Variants in FBXW4 observed in about 807,000 individuals in gnomAD.
FBXW4 encodes the protein F-box and WD repeat domain containing 4.
Under a neutral mutation model 61.8 loss-of-function variants are expected in FBXW4, and 40 were observed. That is an observed-to-expected ratio of 0.65 (90% CI 0.50 to 0.84). FBXW4 has a LOEUF of 0.84. Ranked by LOEUF, FBXW4 falls within the 40% of genes least tolerant of loss-of-function variation. The pLI is 0.00. For missense variants in FBXW4, 672 were observed against 753.8 expected, an observed-to-expected ratio of 0.89 and a Z score of 1.27; for synonymous variants, 311 against 313.8, an observed-to-expected ratio of 0.99 and a Z score of 0.10.
chr10:101,685,928 G>T (rs2064529117), intron 1 of FBXW4, among the ~76,000 whole-genome samples: 1 of 152,186 alleles, frequency 6.6e-6, no homozygotes, highest in South Asian at 2.1e-4. Context: ...TCCTTAAAAT[G>T]TGTAACATAC....
At chr10:101,660,590 C>T (rs1198392098) in intron 5 of FBXW4, among the ~76,000 whole-genome samples, 1 of 152,196 alleles carries the variant, frequency 6.6e-6, no homozygotes, top group Non-Finnish European at 1.5e-5. Flanking sequence ...CTCCATGCTT[C>T]CACTTTGGGA....
intron 5 of FBXW4, among the ~76,000 whole-genome samples, chr10:101,644,413 G>C (rs1294232976): frequency 6.6e-6 from 1 of 152,128 alleles, no homozygotes; most frequent in African/African-American, 2.4e-5. Context: ...TAGCTTTCTG[G>C]GAAGTGGAGA....
At chr10:101,672,766 C>G in intron 4 of FBXW4, 149 bp downstream of exon 4, 2 of 857,924 alleles carry the variant, frequency 2.3e-6, no homozygotes, top group South Asian at 5.1e-5. Context: ...AAGCTGCATG[C>G]CAGAGGCACA....
At chr10:101,615,950 C>T (rs2063824089) in intron 6 of FBXW4, among the ~76,000 whole-genome samples, 1 of 152,182 alleles carries the variant, frequency 6.6e-6, no homozygotes, top group Non-Finnish European at 1.5e-5. Context: ...TCACCACCTC[C>T]TCCACCTCCC....
At chr10:101,644,310 G>T (rs2064078551) in intron 5 of FBXW4, among the ~76,000 whole-genome samples, 1 of 152,196 alleles carries the variant, frequency 6.6e-6, no homozygotes, top group African/African-American at 2.4e-5. Context: ...AGCTGGGACT[G>T]GGGCCTGGGC....
intron 5 of FBXW4, chr10:101,625,343 G>A (rs1355201903): frequency 1.3e-5 from 2 of 158,764 alleles, no homozygotes; most frequent in African/African-American, 4.8e-5. Context: ...ATGAGAAAAG[G>A]AAAAAATATG....
In FBXW4 at chr10:101,694,441, A is replaced by G. The variant is rs747039293; in HGVS notation, c.665T>C (p.Leu222Pro). The G allele has an allele frequency of 7.8e-6, 12 of 1,534,512 alleles. No individual in the cohort carries two copies. The highest frequency in any genetic ancestry group is 1.7e-6 in the Non-Finnish European group (2 of 1,152,978). The change falls in exon 1 of 9, where the codon CTC (leucine) becomes CCC (proline). Residue 222 changes from leucine to proline, a missense_variant. Coordinates refer to ENST00000331272, the MANE Select transcript of FBXW4 (RefSeq NM_022039.4). The surrounding 1 kb of genome is among the most constrained non-coding windows in gnomAD (Gnocchi z 6.0). ...CGAGGCCCGGGCTATCCGGCGCCAG[A>G]GCAGATCGCAGCTGGTGAAGCGCCG... The part of the protein sequence containing the change: ...WLRRFTSCDL[L>P]WRRIARASLN...
At position 101,694,487 on chromosome 10, in the gene FBXW4, C is replaced by G; in HGVS notation, c.619G>C (p.Ala207Pro). The G allele has an allele frequency of 6.5e-7, 1 of 1,527,332 alleles. No homozygotes were observed. The highest frequency in any genetic ancestry group is 8.7e-7 in the Non-Finnish European group (1 of 1,148,104). The allele number at this position is 1,527,332 out of a possible 1,614,324, so 94.6% of individuals were successfully genotyped here. The change falls in exon 1 of 9, where the codon GCC becomes CCC. Residue 207 changes from alanine (A) to proline (P), a missense_variant. This residue lies in a region of FBXW4 where 311 missense variants were observed against 301.1 expected (regional missense o/e 1.03). Transcript: ENST00000331272. This position sits in a 1 kb window ranked among gnomAD's most constrained non-coding sequence, Gnocchi z 6.0. ...CGCCGCAGCCAGCGGCACACCTGGGCCAGGCGGCCGAGGGCCCGCATGTCC... is the reference window on the plus strand; with the variant it reads ...CGCCGCAGCCAGCGGCACACCTGGGGCAGGCGGCCGAGGGCCCGCATGTCC... Reference protein sequence around the residue: ...YLDMRALGRLAQVCRWLRRFT... With the variant: ...YLDMRALGRLPQVCRWLRRFT...
intron 5 of FBXW4, among the ~76,000 whole-genome samples, chr10:101,634,081 C>T (rs2063981288): frequency 6.6e-6 from 1 of 151,814 alleles, no homozygotes; most frequent in South Asian, 2.1e-4. Context: ...CCACTGCACT[C>T]CAGCCTGGGT....
intron 5 of FBXW4, among the ~76,000 whole-genome samples, chr10:101,660,726 T>C (rs1340255464): frequency 1.3e-5 from 2 of 152,174 alleles, no homozygotes; most frequent in African/African-American, 4.8e-5. Flanking sequence ...CCCTTCCTGA[T>C]GAGCAGAGTG....
At chr10:101,622,915 T>C (rs1023448447) in intron 6 of FBXW4, 3 of 152,130 alleles carry the variant, frequency 2.0e-5, no homozygotes, top group Non-Finnish European at 4.4e-5. Context: ...AAGACTGGCA[T>C]GGCTCTTATG....
At chr10:101,614,270 TAGA>T (rs1279035800) in intron 6 of FBXW4, among the ~76,000 whole-genome samples, 2 of 152,154 alleles carry the variant, frequency 1.3e-5, no homozygotes, top group East Asian at 3.9e-4. Context: ...TTGTTTGAAA[TAGA>T]AGATGAAAGG....
At chr10:101,633,684 A>G (rs1394537502) in intron 5 of FBXW4, among the ~76,000 whole-genome samples, 1 of 151,876 alleles carries the variant, frequency 6.6e-6, no homozygotes, top group African/African-American at 2.4e-5. Context: ...ATATACCAGC[A>G]ATAACCAAGT....
Position 101,631,917 on chromosome 10 carries a change from G to A in FBXW4, c.1236-7107C>T, listed in dbSNP as rs538616397. Among the ~76,000 whole-genome samples the A allele has an allele frequency of 1.6e-4, 24 of 152,204 alleles. No individual in the cohort carries two copies. In the East Asian group the frequency reaches 4.0e-3, roughly 26 times the overall value. On this transcript the variant is annotated intron_variant, in intron 5 of 8. Transcript: ENST00000331272. ...GCTGGGATTATAGGCGTGAGCCACC[G>A]TGCCCAGCCATTATTTACATTTTAT...
intron 5 of FBXW4, among the ~76,000 whole-genome samples, chr10:101,661,307 G>A (rs2064241878): frequency 6.6e-6 from 1 of 152,228 alleles, no homozygotes; most frequent in South Asian, 2.1e-4. Context: ...CTCAGCACAT[G>A]AGCCTCCCTG....
chr10:101,673,272 A>T (rs2064375399), intron 3 of FBXW4, among the ~76,000 whole-genome samples: 1 of 152,210 alleles, frequency 6.6e-6, no homozygotes, highest in African/African-American at 2.4e-5. Flanking sequence ...GGAGAATATC[A>T]AAACCAGCTT....
chr10:101,670,917 A>G (rs2064352716), intron 4 of FBXW4, among the ~76,000 whole-genome samples: 1 of 152,214 alleles, frequency 6.6e-6, no homozygotes, highest in Admixed American at 6.5e-5. Context: ...GAAGTCTTGC[A>G]AAGAGATTGT....
At chr10:101,628,999 G>A (rs1229860706) in intron 5 of FBXW4, among the ~76,000 whole-genome samples, 1 of 152,198 alleles carries the variant, frequency 6.6e-6, no homozygotes, top group Non-Finnish European at 1.5e-5. Context: ...AGTAGACATA[G>A]GGGCCTGTCT....
At chr10:101,676,789 CAG>C (rs2064415127) in intron 1 of FBXW4, 1 of 141,432 alleles carries the variant, frequency 7.1e-6, no homozygotes, top group East Asian at 2.1e-4. Flanking sequence ...TAATTCAAAA[CAG>C]ATCATAAACT....
Sources: gnomAD v4.1 joint callset for allele counts (sites outside exome capture counted in the v4.1 genomes callset) on GRCh38, gnomAD v4.1.1 for gene constraint, gnomAD v4.1.1 regional missense constraint, Gnocchi (gnomAD v3.1) non-coding constraint, MANE v1.5 for transcripts, NCBI Gene and HGNC (gene_info 2026-07-23, HGNC 2026-07-21) for gene names.